HDAC5: variants seen among roughly 807,000 people sequenced by gnomAD.
The protein encoded by HDAC5 is antigen NY-CO-9.
HDAC5 carries 25 observed loss-of-function variants against 133.3 expected under a neutral mutation model. The ratio of observed to expected loss-of-function variants is 0.19; its 90% CI spans 0.14 to 0.26. HDAC5 has a LOEUF of 0.26. Among genes scored for constraint, HDAC5 ranks in the 10% least tolerant of loss-of-function variants. The pLI, the probability that HDAC5 is intolerant of heterozygous loss-of-function variation, is 1.00. For missense variants in HDAC5, 1,041 were observed against 1,460.5 expected, an observed-to-expected ratio of 0.71 and a Z score of 4.68; for synonymous variants, 589 against 610.8, an observed-to-expected ratio of 0.96 and a Z score of 0.53.
At chr17:44,100,578 C>CAAAAAAAAA (rs869274112) in intron 3 of HDAC5, among the ~76,000 whole-genome samples, 63 of 89,198 alleles carry the variant, frequency 7.1e-4, no homozygotes, top group African/African-American at 9.1e-4. Context: ...ACTAAAGATA[C>CAAAAAAAAA]AAAAAAAAAA....
At chr17:44,114,437 TG>T (rs34078340) in intron 2 of HDAC5, among the ~76,000 whole-genome samples, 2,160 of 127,694 alleles carry the variant, frequency 0.017, 35 homozygotes, top group African/African-American at 0.044. Context: ...AGAGCAGGCG[TG>T]GGGGGGGGGG....
intron 11 of HDAC5, 74 bp from the exon 12 acceptor site, chr17:44,088,672 G>GC: frequency 9.1e-6 from 14 of 1,540,572 alleles, no homozygotes; most frequent in Non-Finnish European, 1.2e-5. Context: ...CCTGCATCTT[G>GC]CCCCCACAAC....
chr17:44,090,983 C>T (rs2050918241), intron 11 of HDAC5, among the ~76,000 whole-genome samples: 1 of 152,226 alleles, frequency 6.6e-6, no homozygotes, highest in Non-Finnish European at 1.5e-5. Context: ...TCCACCGCGC[C>T]CGGCCTTCTT....
chr17:44,100,387 G>A (rs895613994), intron 3 of HDAC5, among the ~76,000 whole-genome samples: 3 of 151,894 alleles, frequency 2.0e-5, no homozygotes, highest in African/African-American at 7.3e-5. Context: ...GACCTGCCTG[G>A]CAGACCCAAG....
At chr17:44,103,337 G>A (rs2051735550) in intron 3 of HDAC5, among the ~76,000 whole-genome samples, 1 of 152,194 alleles carries the variant, frequency 6.6e-6, no homozygotes, top group Non-Finnish European at 1.5e-5. Flanking sequence ...GGCAAGCTGG[G>A]TCTGACTCTC....
intron 17 of HDAC5, 63 bp downstream of exon 17, chr17:44,083,742 G>A: frequency 6.3e-7 from 1 of 1,582,414 alleles, no homozygotes; most frequent in East Asian, 2.2e-5. Flanking sequence ...GCTGTGGTAG[G>A]CAGGGAAGAG....
chr17:44,087,418 G>A lies in HDAC5; in HGVS notation c.1878C>T (p.Tyr626=). The A allele has an allele frequency of 9.9e-7, 1 of 1,010,860 alleles. No individual in the cohort carries two copies. Among genetic ancestry groups the A allele is most frequent in the Non-Finnish European group, 1.6e-6 (1 of 633,548 alleles). The allele number at this position is 1,010,860 out of a possible 1,614,324, so 62.6% of individuals were successfully genotyped here. A position where few individuals can be genotyped will look rare whatever the true frequency, so the allele number is the denominator to read the frequency against. ...GACCAGGGACGGGGCTCACTTTTTTGTATCCAGCACCAGGCTCCTCCAAGT... is the reference window on the plus strand; with the variant it reads ...GACCAGGGACGGGGCTCACTTTTTTATATCCAGCACCAGGCTCCTCCAAGT... ...GPDLEEPGAG[Y]KKLFSDAQPL... The change falls in exon 13 of 27, where the codon TAC becomes TAT. Residue 626 remains tyrosine, a synonymous_variant. Coordinates refer to ENST00000682912, the MANE Select transcript of HDAC5 (RefSeq NM_005474.5).
chr17:44,094,497 C>T (rs914179310), intron 3 of HDAC5, among the ~76,000 whole-genome samples: 5 of 151,616 alleles, frequency 3.3e-5, no homozygotes, highest in East Asian at 1.9e-4. Context: ...ATTAGCTGGG[C>T]GTGGTGGCAC....
At chr17:44,079,046 A>G in intron 24 of HDAC5, 98 bp downstream of exon 24, 1 of 1,541,508 alleles carries the variant, frequency 6.5e-7, no homozygotes, top group East Asian at 2.3e-5. Context: ...CCTTAGGACC[A>G]AGGAAAAGCT....
At chr17:44,088,702 C>A in intron 11 of HDAC5, 104 bp from the exon 12 acceptor site, 1 of 1,460,324 alleles carries the variant, frequency 6.8e-7, no homozygotes, top group East Asian at 2.5e-5. Context: ...CATATCACCA[C>A]CTATATACTC....
chr17:44,103,150 A>C (rs566521352), intron 3 of HDAC5, among the ~76,000 whole-genome samples: 26 of 151,974 alleles, frequency 1.7e-4, no homozygotes, highest in Admixed American at 1.1e-3. Flanking sequence ...GGCCTGAGGG[A>C]GTTTGGAAGG....
chr17:44,101,410 CAAAAAAA>C (rs35671008), intron 3 of HDAC5, among the ~76,000 whole-genome samples: 2 of 66,796 alleles, frequency 3.0e-5, no homozygotes, highest in African/African-American at 1.4e-4. Context: ...GACTCCGTCT[CAAAAAAA>C]AAAAAAAAAA....
intron 3 of HDAC5, among the ~76,000 whole-genome samples, chr17:44,102,646 A>G (rs553160263): frequency 4.0e-4 from 59 of 148,476 alleles, no homozygotes; most frequent in African/African-American, 1.5e-3. Context: ...GGCATGAGCC[A>G]TATGCCCGGC....
At chr17:44,081,921 A>G (rs933372222) in intron 20 of HDAC5, 3 of 152,208 alleles carry the variant, frequency 2.0e-5, no homozygotes, top group African/African-American at 7.2e-5. Flanking sequence ...CAACATTTAC[A>G]TGAATTTTTA....
intron 2 of HDAC5, chr17:44,111,698 G>C (rs1456802889): frequency 1.4e-5 from 7 of 515,602 alleles, no homozygotes; most frequent in African/African-American, 5.8e-5. Flanking sequence ...ACAGAGTTGA[G>C]AGGTGCCTCC....
At chr17:44,102,867 C>CGT (rs2051703946) in intron 3 of HDAC5, among the ~76,000 whole-genome samples, 1 of 151,970 alleles carries the variant, frequency 6.6e-6, no homozygotes, top group Non-Finnish European at 1.5e-5. Context: ...AGGGTTTCAC[C>CGT]GTGTTAGCCA....
chr17:44,093,046 C>A (rs2051041528), intron 6 of HDAC5, 46 bp downstream of exon 6: 5 of 1,425,878 alleles, frequency 3.5e-6, no homozygotes, highest in Middle Eastern at 2.0e-4. Context: ...CAGGCAGCCC[C>A]TGAGCGGCTC....
intron 1 of HDAC5, among the ~76,000 whole-genome samples, chr17:44,122,050 A>C (rs2053039910): frequency 6.6e-6 from 1 of 152,138 alleles, no homozygotes; most frequent in African/African-American, 2.4e-5. Flanking sequence ...AGACAAACCA[A>C]GATCTCCCCA....
At chr17:44,099,753 C>A (rs566919435) in intron 3 of HDAC5, among the ~76,000 whole-genome samples, 1 of 152,194 alleles carries the variant, frequency 6.6e-6, no homozygotes, top group Non-Finnish European at 1.5e-5. Flanking sequence ...GGATTACCAG[C>A]GTGAGCCACC....
Sources: allele counts gnomAD v4.1 joint callset (sites outside exome capture counted in the v4.1 genomes callset), GRCh38; gene constraint gnomAD v4.1.1; transcripts MANE v1.5; gene names NCBI Gene and HGNC (gene_info 2026-07-23, HGNC 2026-07-21).